CYFIP1: variants seen among roughly 807,000 people sequenced by gnomAD.
CYFIP1 encodes the protein cytoplasmic FMR1 interacting protein 1.
Under a neutral mutation model 163.5 loss-of-function variants are expected in CYFIP1, and 58 were observed. The observed-to-expected ratio is 0.35, with a 90% CI of 0.29 to 0.44. CYFIP1 has a LOEUF of 0.44. Ranked by LOEUF, CYFIP1 falls within the 20% of genes least tolerant of loss-of-function variation. CYFIP1 has a pLI of 1.00. For missense variants in CYFIP1, 1,338 were observed against 1,653.8 expected, an observed-to-expected ratio of 0.81 and a Z score of 3.31; for synonymous variants, 663 against 660.7, an observed-to-expected ratio of 1.00 and a Z score of -0.05.
At chr15:22,895,215 T>C (rs888948580) in intron 22 of CYFIP1, among the ~76,000 whole-genome samples, 4 of 152,200 alleles carry the variant, frequency 2.6e-5, no homozygotes, top group Non-Finnish European at 1.5e-5. Flanking sequence ...GGGGTTTCAC[T>C]GTGTTAGCCA....
rs1555423947 is a variant in CYFIP1 at position 22,963,546 on chromosome 15, T to TAACATAACAACATAACATAAC, written c.-6-16256_-6-16255insGTTATGTTATGTTGTTATGTT. On this transcript the variant is annotated intron_variant, in intron 1 of 30. Coordinates refer to ENST00000617928, the MANE Select transcript of CYFIP1 (RefSeq NM_014608.6). Reference sequence around the variant, plus strand: ...TAACATAACATAACATAACATAACATAACATAACATAAGAAAGAATGAAAT... The same window carrying TAACATAACAACATAACATAAC: ...TAACATAACATAACATAACATAACATAACATAACAACATAACATAACAACATAACATAAGAAAGAATGAAAT... 2.4e-4 allele frequency among the ~76,000 whole-genome samples: 33 copies of TAACATAACAACATAACATAAC among 134,736 alleles called. No homozygotes were observed. The South Asian group carries it at 6.2e-3, about 25-fold the overall frequency. 88.4% of individuals were successfully genotyped at this position (134,736 alleles called of 152,430 possible). A position where few individuals can be genotyped will look rare whatever the true frequency, so the allele number is the denominator to read the frequency against.
intron 3 of CYFIP1, 160 bp downstream of exon 3, chr15:22,946,843 A>G: frequency 1.3e-6 from 1 of 744,286 alleles, no homozygotes. Context: ...TTTTTACACT[A>G]AGAAAAGCAA....
At chr15:22,924,205 C>T (rs1384992967) in intron 13 of CYFIP1, among the ~76,000 whole-genome samples, 1 of 152,108 alleles carries the variant, frequency 6.6e-6, no homozygotes, top group Non-Finnish European at 1.5e-5. Flanking sequence ...AGGCGGATTA[C>T]CTGAGGTCAG....
chr15:22,904,561 G>A (rs1028546088), intron 21 of CYFIP1: 1 of 152,862 alleles, frequency 6.5e-6, no homozygotes, highest in African/African-American at 2.4e-5. Context: ...AATTAATATG[G>A]GGATACAGTG....
chr15:22,946,272 C>G (rs950140307), intron 3 of CYFIP1, among the ~76,000 whole-genome samples: 1 of 151,192 alleles, frequency 6.6e-6, no homozygotes. Context: ...CCACTGCACT[C>G]TAGCCTGGGC....
chr15:22,878,162 C>T (rs2059638292), intron 26 of CYFIP1, among the ~76,000 whole-genome samples: 1 of 152,218 alleles, frequency 6.6e-6, no homozygotes, highest in South Asian at 2.1e-4. Context: ...CATGCACAAG[C>T]CAATACGCTT....
intron 28 of CYFIP1, 148 bp from the exon 29 acceptor site, chr15:22,873,877 G>T: frequency 1.4e-6 from 1 of 732,208 alleles, no homozygotes; most frequent in South Asian, 1.7e-5. Context: ...CTGCAGCCTT[G>T]ACTTCCCAGG....
Position 22,939,208 on chromosome 15 carries a change from T to C in CYFIP1, c.779A>G (p.Lys260Arg), listed in dbSNP as rs140332613. 159 of 1,614,062 alleles carry C rather than the reference T, an allele frequency of 9.9e-5. No homozygotes were observed. The highest frequency in any genetic ancestry group is 1.7e-5 in the Non-Finnish European group (20 of 1,180,028). The part of the protein sequence containing the change: ...ENRMYLTPSE[K>R]HMLLKVMGFG... ...CACACGTACTTTGAGAAGCATGTGT[T>C]TCTCACTGGGCGTCAAATACATCCT... Residue 260 changes from lysine to arginine, a missense_variant, in exon 8 of 31, where the codon AAA becomes AGA. By Grantham distance (26) the Lys-to-Arg change is conservative. Transcript: ENST00000617928.
At position 22,917,876 on chromosome 15, in the gene CYFIP1, T is replaced by C. The variant is rs750607343; in HGVS notation, c.1586A>G (p.Asn529Ser). The C allele has an allele frequency of 2.0e-5, 33 of 1,613,798 alleles. No homozygotes were observed. Among genetic ancestry groups the C allele is most frequent in the African/African-American group, 9.3e-5 (7 of 74,914 alleles). ...CTTCTCGCCCCGCAAGGCTGGGTCA[T>C]TGAAGGGCTCATGCCCCGTCTCCCA... is the stretch of plus-strand genomic sequence containing the variant. Reference protein sequence around the residue: ...CDWETGHEPFNDPALRGEKDP... With the variant: ...CDWETGHEPFSDPALRGEKDP... The change falls in exon 15 of 31, where the codon AAT becomes AGT. Residue 529 changes from asparagine (N) to serine (S), a missense_variant. Coordinates refer to ENST00000617928, the MANE Select transcript of CYFIP1 (RefSeq NM_014608.6). This position sits in a 1 kb window ranked among gnomAD's most constrained non-coding sequence, Gnocchi z 4.2.
intron 8 of CYFIP1, among the ~76,000 whole-genome samples, chr15:22,937,479 A>G (rs1372298286): frequency 2.0e-5 from 3 of 152,184 alleles, no homozygotes; most frequent in Non-Finnish European, 4.4e-5. Flanking sequence ...CGGTAGGGAT[A>G]TTCTAGAGCT....
At position 22,888,867 on chromosome 15, in the gene CYFIP1, C is replaced by G. The variant is rs28528109; in HGVS notation, c.2676+4023G>C. On this transcript the variant is annotated intron_variant, in intron 23 of 30. Coordinates refer to ENST00000617928, the MANE Select transcript of CYFIP1 (RefSeq NM_014608.6). Reference sequence around the variant, plus strand: ...ACCAGCCTGGCTAACATGGTGAAACCCTGTCTCGACTAAAAATACAAAAAT... The same window carrying G: ...ACCAGCCTGGCTAACATGGTGAAACGCTGTCTCGACTAAAAATACAAAAAT... Among the ~76,000 whole-genome samples the G allele has an allele frequency of 1.8e-4, 28 of 152,008 alleles. 1 individual carries two copies. In the East Asian group the frequency reaches 4.6e-3, roughly 25 times the overall value.
chr15:22,946,414 G>A (rs2140112551), intron 3 of CYFIP1, among the ~76,000 whole-genome samples: 1 of 152,236 alleles, frequency 6.6e-6, no homozygotes, highest in African/African-American at 2.4e-5. Flanking sequence ...GCTAAGGTGG[G>A]CAGATCACTT....
intron 1 of CYFIP1, among the ~76,000 whole-genome samples, chr15:22,948,336 C>T (rs1188275741): frequency 6.6e-6 from 1 of 152,202 alleles, no homozygotes; most frequent in African/African-American, 2.4e-5. Flanking sequence ...CACAGCCAGA[C>T]AGCCACCAGC....
intron 25 of CYFIP1, among the ~76,000 whole-genome samples, chr15:22,881,260 A>G (rs1489639786): frequency 7.2e-5 from 11 of 152,224 alleles, no homozygotes; most frequent in Admixed American, 7.2e-4. Flanking sequence ...TCAACTGTCC[A>G]GCTTTCAAGA....
At chr15:22,965,977 C>A (rs1204257039) in intron 1 of CYFIP1, among the ~76,000 whole-genome samples, 1 of 152,144 alleles carries the variant, frequency 6.6e-6, no homozygotes, top group East Asian at 1.9e-4. Flanking sequence ...AGAATGCTTC[C>A]GTTCTTTACA....
At chr15:22,883,837 A>G (rs936043530) in intron 23 of CYFIP1, among the ~76,000 whole-genome samples, 8 of 143,380 alleles carry the variant, frequency 5.6e-5, no homozygotes, top group South Asian at 2.2e-4. Context: ...AAAAAAAAAA[A>G]GGCAGGTTTA....
In CYFIP1 at chr15:22,872,883, C is replaced by G; in HGVS notation, c.3539G>C (p.Cys1180Ser). ...TTTCTGGACTTTAAGTAGATGGTAGCAGAAATCCAGCACAGCAAAACGCCG... is the reference window on the plus strand; with the variant it reads ...TTTCTGGACTTTAAGTAGATGGTAGGAGAAATCCAGCACAGCAAAACGCCG... Reference protein sequence around the residue: ...QQRRFAVLDFCYHLLKVQKHD... With the variant: ...QQRRFAVLDFSYHLLKVQKHD... Residue 1180 changes from cysteine (C) to serine (S), a missense_variant, in exon 30 of 31, where the codon TGC becomes TCC. Around this residue, in one of 4 missense-constraint regions of CYFIP1, gnomAD observed 306 missense variants for 322.1 expected, o/e 0.95. Transcript: ENST00000617928. 7 of 1,614,042 alleles carry G rather than the reference C, an allele frequency of 4.3e-6. No individual in the cohort carries two copies. Among genetic ancestry groups the G allele is most frequent in the Non-Finnish European group, 5.1e-6 (6 of 1,179,942 alleles).
At chr15:22,900,438 G>A (rs1341905696) in intron 22 of CYFIP1, among the ~76,000 whole-genome samples, 4 of 145,054 alleles carry the variant, frequency 2.8e-5, no homozygotes, top group East Asian at 2.0e-4. Flanking sequence ...TCACTCTGTC[G>A]CCCAGGGTGG....
At chr15:22,912,464 C>A (rs549829450) in intron 17 of CYFIP1, 189 bp from the exon 18 acceptor site, 10 of 510,238 alleles carry the variant, frequency 2.0e-5, no homozygotes, top group Middle Eastern at 5.0e-4. Context: ...GCCACACCCA[C>A]CAGGCTGCGA....
Sources: allele counts gnomAD v4.1 joint callset (sites outside exome capture counted in the v4.1 genomes callset), GRCh38; gene constraint gnomAD v4.1.1; regional missense constraint gnomAD v4.1.1; non-coding constraint Gnocchi (gnomAD v3.1); transcripts MANE v1.5; gene names NCBI Gene and HGNC (gene_info 2026-07-23, HGNC 2026-07-21).